Variants in DTD1 observed in about 807,000 individuals in gnomAD.
The protein encoded by DTD1 is D-tyrosyl-tRNA deacylase 1 homolog.
DTD1 carries 13 observed loss-of-function variants against 25.6 expected under a neutral mutation model. The ratio of observed to expected loss-of-function variants is 0.51; its 90% confidence interval spans 0.33 to 0.81. The LOEUF (loss-of-function observed/expected upper bound fraction) is 0.81, where lower values mean the gene tolerates loss of function less well. DTD1 is among the 30% of genes least tolerant of loss of function. The pLI is 0.02. For missense variants in DTD1, 193 were observed against 266.4 expected (o/e 0.72, Z 1.92); for synonymous variants, 110 against 103.6 (o/e 1.06, Z -0.37).
At chr20:18,678,452 C>T (rs1267395777) in intron 4 of DTD1, among the ~76,000 whole-genome samples, 2 of 152,172 alleles carry the variant, frequency 1.3e-5, no homozygotes, top group Non-Finnish European at 2.9e-5. Context: ...TCTCACTGGA[C>T]ATGTAGTATC....
Position 18,726,459 on chromosome 20 carries a change from A to G in DTD1, c.478-17641A>G, listed in dbSNP as rs528166180. 2.4e-4 allele frequency among the ~76,000 whole-genome samples: 37 copies of G among 152,306 alleles called. 2 individuals carry two copies. In the South Asian group the frequency reaches 6.8e-3, roughly 28 times the overall value. On this transcript the variant is annotated intron_variant, in intron 4 of 5. Coordinates refer to ENST00000377452, the MANE Select transcript of DTD1 (RefSeq NM_080820.6). ...GATGAGGGGGGTGTTTTTGTCAATCAAGGGTTTTTTTCCTACCAGGTTACT... is the reference window on the plus strand; with the variant it reads ...GATGAGGGGGGTGTTTTTGTCAATCGAGGGTTTTTTTCCTACCAGGTTACT...
chr20:18,662,656 G>C (rs2060915741), intron 4 of DTD1, among the ~76,000 whole-genome samples: 1 of 152,250 alleles, frequency 6.6e-6, no homozygotes, highest in Admixed American at 6.5e-5. Flanking sequence ...GTAGAATACT[G>C]TGCGCCAGTT....
intron 3 of DTD1, among the ~76,000 whole-genome samples, chr20:18,622,218 T>A (rs1000275338): frequency 1.3e-5 from 2 of 152,190 alleles, no homozygotes; most frequent in Non-Finnish European, 2.9e-5. Flanking sequence ...TTTGCCCTAA[T>A]GATCTCCCTC....
intron 4 of DTD1, among the ~76,000 whole-genome samples, chr20:18,650,959 G>A (rs1419070958): frequency 6.6e-6 from 1 of 152,146 alleles, no homozygotes; most frequent in Admixed American, 6.5e-5. Context: ...GTGTTACAAC[G>A]CTCTAGTAAT....
chr20:18,759,055 A>T (rs1010747481), intron 5 of DTD1, among the ~76,000 whole-genome samples: 3 of 152,110 alleles, frequency 2.0e-5, no homozygotes, highest in Non-Finnish European at 2.9e-5. Context: ...CTAGGATTGC[A>T]ACCCCTGCCT....
intron 2 of DTD1, among the ~76,000 whole-genome samples, chr20:18,594,912 G>A (rs2060603818): frequency 6.6e-6 from 1 of 152,172 alleles, no homozygotes; most frequent in Non-Finnish European, 1.5e-5. Flanking sequence ...TGTGGAGAGG[G>A]GGTAATGAGT....
At chr20:18,685,539 G>T (rs1357705801) in intron 4 of DTD1, among the ~76,000 whole-genome samples, 1 of 152,178 alleles carries the variant, frequency 6.6e-6, no homozygotes, top group Non-Finnish European at 1.5e-5. Flanking sequence ...ACTGAGCCCT[G>T]CGCCTCGCTC....
At chr20:18,735,372 G>T (rs6081335) in intron 4 of DTD1, among the ~76,000 whole-genome samples, 1 of 152,360 alleles carries the variant, frequency 6.6e-6, no homozygotes, top group Admixed American at 6.5e-5. Flanking sequence ...CCCCTGTGCA[G>T]GTGTTTGCGC....
chr20:18,684,633 T>A (rs1416860839), intron 4 of DTD1, among the ~76,000 whole-genome samples: 1 of 152,154 alleles, frequency 6.6e-6, no homozygotes, highest in East Asian at 1.9e-4. Context: ...CTCCAGAAGC[T>A]TCTGCCACAG....
At chr20:18,620,704 C>T (rs1385715660) in intron 3 of DTD1, among the ~76,000 whole-genome samples, 3 of 152,040 alleles carry the variant, frequency 2.0e-5, no homozygotes, top group Non-Finnish European at 4.4e-5. Flanking sequence ...AAGCAATCCT[C>T]CTGCCTTAGT....
intron 4 of DTD1, among the ~76,000 whole-genome samples, chr20:18,657,883 C>T (rs2060896384): frequency 1.3e-5 from 2 of 152,112 alleles, no homozygotes; most frequent in Admixed American, 6.6e-5. Flanking sequence ...GAGGCTACAG[C>T]GTCCTTCAGG....
intron 4 of DTD1, among the ~76,000 whole-genome samples, chr20:18,721,392 C>A (rs1321322): frequency 1 from 152,180 of 152,322 alleles, 76,020 homozygotes; most frequent in Middle Eastern, 1. Context: ...CTATCTTTGC[C>A]TTTCTTGGCA....
intron 4 of DTD1, among the ~76,000 whole-genome samples, chr20:18,731,741 C>A (rs772128493): frequency 2.1e-4 from 32 of 152,146 alleles, no homozygotes; most frequent in Non-Finnish European, 4.0e-4. Context: ...TTAATTGATT[C>A]AATAAGCAAT....
chr20:18,593,603 G>C, intron 1 of DTD1, 128 bp from the exon 2 acceptor site: 1 of 665,420 alleles, frequency 1.5e-6, no homozygotes, highest in African/African-American at 1.8e-5. Flanking sequence ...TTTCGAATAC[G>C]TACTGACTTT....
intron 5 of DTD1, among the ~76,000 whole-genome samples, chr20:18,758,140 C>T (rs2061346868): frequency 6.6e-6 from 1 of 151,996 alleles, no homozygotes; most frequent in South Asian, 2.1e-4. Flanking sequence ...TTTTTTATTG[C>T]ATCTATTTGA....
chr20:18,653,177 A>AAT, intron 4 of DTD1, among the ~76,000 whole-genome samples: 1 of 152,308 alleles, frequency 6.6e-6, no homozygotes, highest in African/African-American at 2.4e-5. Context: ...TGAGGTGGGC[A>AAT]TATTGCTTGA....
At chr20:18,653,351 AC>A (rs1208653031) in intron 4 of DTD1, among the ~76,000 whole-genome samples, 2 of 152,170 alleles carry the variant, frequency 1.3e-5, no homozygotes, top group Non-Finnish European at 2.9e-5. Flanking sequence ...CCAAGATCGT[AC>A]CACCAAACTC....
intron 4 of DTD1, among the ~76,000 whole-genome samples, chr20:18,635,680 CT>C (rs1201989502): frequency 6.6e-6 from 1 of 152,148 alleles, no homozygotes; most frequent in Non-Finnish European, 1.5e-5. Flanking sequence ...GTTTTTCTTC[CT>C]GGTGGAGAGC....
intron 4 of DTD1, among the ~76,000 whole-genome samples, chr20:18,695,536 T>C (rs1449182874): frequency 4.6e-4 from 6 of 12,922 alleles, no homozygotes; most frequent in African/African-American, 7.0e-4. Flanking sequence ...CTTCCCTTCC[T>C]TTCCCTTCCC....
Sources: gnomAD v4.1 joint callset for allele counts (sites outside exome capture counted in the v4.1 genomes callset) on GRCh38, gnomAD v4.1.1 for gene constraint, MANE v1.5 for transcripts, NCBI Gene and HGNC (gene_info 2026-07-23, HGNC 2026-07-21) for gene names.